Variants in CACNA1C observed in about 807,000 individuals in gnomAD.
CACNA1C encodes voltage-dependent L-type calcium channel subunit alpha-1C.
In CACNA1C, 30 loss-of-function variants were observed where a neutral mutation model predicts 229.0. That is an observed-to-expected ratio of 0.13 (90% CI 0.10 to 0.18). The LOEUF is 0.18. Ranked by LOEUF, CACNA1C falls within the 10% of genes least tolerant of loss-of-function variation. CACNA1C has a pLI of 1.00. For synonymous variants in CACNA1C, 1,114 were observed against 1,132.5 expected, an observed-to-expected ratio of 0.98 and a Z score of 0.33; for missense variants, 1,658 against 2,845.0, an observed-to-expected ratio of 0.58 and a Z score of 9.49.
At chr12:2,236,904 C>T (rs1038432701) in intron 3 of CACNA1C, among the ~76,000 whole-genome samples, 2 of 152,218 alleles carry the variant, frequency 1.3e-5, no homozygotes, top group Non-Finnish European at 2.9e-5. Context: ...TCAAAATCTC[C>T]TCCCCTCCCT....
intron 37 of CACNA1C, among the ~76,000 whole-genome samples, chr12:2,667,319 T>TCTCCCTCCTCTCCA: frequency 6.6e-6 from 1 of 152,118 alleles, no homozygotes; most frequent in African/African-American, 2.4e-5. Context: ...CCGTGGCCAT[T>TCTCCCTCCTCTCCA]CCGTGCTCCT....
chr12:2,592,955 A>G (rs2066116040), intron 18 of CACNA1C, among the ~76,000 whole-genome samples: 1 of 152,032 alleles, frequency 6.6e-6, no homozygotes, highest in Non-Finnish European at 1.5e-5. Context: ...GTTTCCTGGG[A>G]TGTGGGAATT....
chr12:2,303,649 A>G (rs2094761447), intron 3 of CACNA1C, among the ~76,000 whole-genome samples: 1 of 152,126 alleles, frequency 6.6e-6, no homozygotes. Flanking sequence ...ACCATCACAC[A>G]TTCTGAGGTG....
At chr12:2,135,870 T>A (rs552655534) in intron 3 of CACNA1C, among the ~76,000 whole-genome samples, 1 of 147,394 alleles carries the variant, frequency 6.8e-6, no homozygotes, top group Non-Finnish European at 1.5e-5. Context: ...GTTTACCTAA[T>A]CAAGCCCGGG....
At chr12:2,684,718 A>C (rs1451254612) in intron 43 of CACNA1C, among the ~76,000 whole-genome samples, 1 of 152,196 alleles carries the variant, frequency 6.6e-6, no homozygotes, top group Non-Finnish European at 1.5e-5. Flanking sequence ...ACAAGGTGAA[A>C]TGGAAGCTGG....
chr12:2,481,700 A>G (rs1200508408), intron 5 of CACNA1C, among the ~76,000 whole-genome samples: 1 of 152,388 alleles, frequency 6.6e-6, no homozygotes, highest in South Asian at 2.1e-4. Flanking sequence ...CGTATGTTCC[A>G]AATTTTCCAG....
chr12:2,103,644 C>T (rs889146564), intron 1 of CACNA1C, among the ~76,000 whole-genome samples: 2 of 152,168 alleles, frequency 1.3e-5, no homozygotes, highest in Admixed American at 6.5e-5. Context: ...GTCATGAAGT[C>T]TTTGCCCATG....
chr12:2,260,496 GAAC>G (rs1316560564), intron 3 of CACNA1C, among the ~76,000 whole-genome samples: 3 of 135,088 alleles, frequency 2.2e-5, no homozygotes, highest in African/African-American at 8.5e-5. Context: ...AAAAAAAAAA[GAAC>G]AAGAAGAAGA....
intron 3 of CACNA1C, among the ~76,000 whole-genome samples, chr12:2,424,414 G>A (rs371276473): frequency 1.3e-5 from 2 of 151,742 alleles, no homozygotes; most frequent in Non-Finnish European, 3.0e-5. Flanking sequence ...GTGGAGGAGC[G>A]TGTGTGAGGA....
intron 31 of CACNA1C, among the ~76,000 whole-genome samples, chr12:2,650,837 C>A (rs82602): frequency 4.6e-5 from 7 of 152,170 alleles, no homozygotes; most frequent in East Asian, 3.9e-4. Flanking sequence ...CTGCAGAAGC[C>A]TCACTTGCAA....
intron 3 of CACNA1C, among the ~76,000 whole-genome samples, chr12:2,270,829 C>G (rs1221024669): frequency 6.6e-6 from 1 of 152,184 alleles, no homozygotes; most frequent in African/African-American, 2.4e-5. Flanking sequence ...GCGGGGAGAG[C>G]ACATGAAATC....
chr12:2,314,000 G>A (rs536698381), intron 3 of CACNA1C, among the ~76,000 whole-genome samples: 10 of 152,332 alleles, frequency 6.6e-5, no homozygotes, highest in African/African-American at 2.2e-4. Context: ...CGGTGCCTAT[G>A]TGGGCACAGG....
chr12:2,230,210 C>T (rs1353280619), intron 3 of CACNA1C, among the ~76,000 whole-genome samples: 4 of 152,138 alleles, frequency 2.6e-5, no homozygotes, highest in Admixed American at 6.5e-5. Context: ...GCTCCGCAGC[C>T]CGGGGGGCGG....
rs1356310517 is a variant in CACNA1C at position 2,577,057 on chromosome 12, GC to G, written c.1896-4528del. Among the ~76,000 whole-genome samples the G allele has an allele frequency of 3.9e-5, 6 of 152,376 alleles. No individual in the cohort carries two copies. The East Asian group carries it at 9.6e-4, about 25-fold the overall frequency. Reference sequence around the variant, plus strand: ...GATGCCAGGCCCTGGGCAGCAGCCTGCCCCCTTTATCCTGCTGCAAAGGAAA... The same window carrying G: ...GATGCCAGGCCCTGGGCAGCAGCCTGCCCCTTTATCCTGCTGCAAAGGAAA... On this transcript the variant is annotated intron_variant, in intron 13 of 46. Transcript: ENST00000399655.
intron 3 of CACNA1C, among the ~76,000 whole-genome samples, chr12:2,277,162 C>CTATTGT (rs937628336): frequency 2.6e-5 from 4 of 152,084 alleles, no homozygotes; most frequent in African/African-American, 4.8e-5. Flanking sequence ...CTTGAGGTAG[C>CTATTGT]TATTGTTATT....
chr12:2,610,813 G>A (rs1158196013), intron 28 of CACNA1C, 114 bp downstream of exon 28: 9 of 1,016,322 alleles, frequency 8.9e-6, no homozygotes, highest in Non-Finnish European at 1.3e-5. Context: ...GTCACCAAGG[G>A]AGGCATTTGG....
At chr12:2,155,995 TA>T (rs954537598) in intron 3 of CACNA1C, among the ~76,000 whole-genome samples, 19 of 151,980 alleles carry the variant, frequency 1.3e-4, no homozygotes, top group African/African-American at 4.1e-4. Flanking sequence ...AAGACGCAAA[TA>T]AAAAAAATCT....
At chr12:2,266,059 A>G (rs1566771505) in intron 3 of CACNA1C, among the ~76,000 whole-genome samples, 2 of 152,212 alleles carry the variant, frequency 1.3e-5, no homozygotes, top group Admixed American at 6.5e-5. Flanking sequence ...TAGCAATTCT[A>G]TTCTGCTATC....
chr12:2,610,814 A>T (rs909800481), intron 28 of CACNA1C, 115 bp downstream of exon 28: 1 of 1,016,228 alleles, frequency 9.8e-7, no homozygotes, highest in Admixed American at 2.1e-5. Flanking sequence ...TCACCAAGGG[A>T]GGCATTTGGA....
Sources: allele counts gnomAD v4.1 joint callset (sites outside exome capture counted in the v4.1 genomes callset), GRCh38; gene constraint gnomAD v4.1.1; transcripts MANE v1.5; gene names NCBI Gene and HGNC (gene_info 2026-07-23, HGNC 2026-07-21).